Variants in MAGI2 observed in about 807,000 individuals in gnomAD.
MAGI2 encodes the protein membrane-associated guanylate kinase, WW and PDZ domain-containing protein 2.
In MAGI2, 35 loss-of-function variants were observed where a neutral mutation model predicts 133.3. The ratio of observed to expected loss-of-function variants is 0.26; its 90% confidence interval spans 0.20 to 0.35. The LOEUF is 0.35. MAGI2 is among the 10% of genes least tolerant of loss of function. MAGI2 has a pLI of 1.00. For synonymous variants in MAGI2, 729 were observed against 710.6 expected, an observed-to-expected ratio of 1.03 and a Z score of -0.41; for missense variants, 1,636 against 1,863.4, an observed-to-expected ratio of 0.88 and a Z score of 2.25.
At chr7:79,048,153 C>T (rs2116964003) in intron 1 of MAGI2, among the ~76,000 whole-genome samples, 1 of 152,248 alleles carries the variant, frequency 6.6e-6, no homozygotes, top group Non-Finnish European at 1.5e-5. Flanking sequence ...TCATAAATCA[C>T]TTGTGGGTTA....
chr7:79,083,436 T>G (rs992213043), intron 1 of MAGI2, among the ~76,000 whole-genome samples: 2 of 151,490 alleles, frequency 1.3e-5, no homozygotes, highest in East Asian at 3.9e-4. Flanking sequence ...ATTGAAAATA[T>G]TATCTTGTGT....
intron 2 of MAGI2, among the ~76,000 whole-genome samples, chr7:78,853,803 T>C (rs969058384): frequency 9.2e-5 from 14 of 152,002 alleles, no homozygotes; most frequent in African/African-American, 3.1e-4. Flanking sequence ...ACCCCTCTCT[T>C]GGTGGTGGAC....
intron 1 of MAGI2, among the ~76,000 whole-genome samples, chr7:79,036,282 A>G (rs1357425171): frequency 2.0e-5 from 3 of 152,242 alleles, no homozygotes; most frequent in Non-Finnish European, 4.4e-5. Context: ...AGCCAATGTA[A>G]AAATAGGATA....
At chr7:79,422,076 C>A (rs925984125) in intron 1 of MAGI2, among the ~76,000 whole-genome samples, 1 of 151,984 alleles carries the variant, frequency 6.6e-6, no homozygotes, top group Admixed American at 6.6e-5. Context: ...AGTAGGCAGC[C>A]TGGCAGGACC....
intron 1 of MAGI2, among the ~76,000 whole-genome samples, chr7:79,445,979 T>C (rs961071759): frequency 1.3e-5 from 2 of 152,196 alleles, no homozygotes; most frequent in Non-Finnish European, 1.5e-5. Flanking sequence ...TGGAATACTA[T>C]GCAGCCACAA....
At chr7:78,046,706 C>A (rs1192178943) in intron 21 of MAGI2, among the ~76,000 whole-genome samples, 1 of 152,002 alleles carries the variant, frequency 6.6e-6, no homozygotes, top group Non-Finnish European at 1.5e-5. Context: ...AAAAAAAAAC[C>A]CAGCGTTAGT....
chr7:78,114,361 G>T (rs1209006859), intron 20 of MAGI2, among the ~76,000 whole-genome samples: 1 of 152,192 alleles, frequency 6.6e-6, no homozygotes, highest in Non-Finnish European at 1.5e-5. Flanking sequence ...ATATAACACT[G>T]TTTTACCCAA....
At chr7:79,213,176 G>C (rs1342503863) in intron 1 of MAGI2, among the ~76,000 whole-genome samples, 2 of 151,322 alleles carry the variant, frequency 1.3e-5, no homozygotes, top group African/African-American at 4.9e-5. Context: ...TATATTTTCT[G>C]TATAGATTTT....
At chr7:78,579,513 C>G (rs1050389534) in intron 3 of MAGI2, among the ~76,000 whole-genome samples, 10 of 152,160 alleles carry the variant, frequency 6.6e-5, no homozygotes, top group African/African-American at 2.4e-4. Context: ...AGATTAACCA[C>G]TGAAGACAAT....
At chr7:79,007,296 A>G (rs1807557329) in intron 1 of MAGI2, 90 bp from the exon 2 acceptor site, 1 of 679,590 alleles carries the variant, frequency 1.5e-6, no homozygotes, top group South Asian at 1.9e-5. Context: ...TCAGGAACCC[A>G]TTAAAAAGAT....
intron 9 of MAGI2, among the ~76,000 whole-genome samples, chr7:78,330,853 A>T (rs1218435650): frequency 6.6e-6 from 1 of 152,196 alleles, no homozygotes; most frequent in Non-Finnish European, 1.5e-5. Flanking sequence ...AGCATCTTTC[A>T]TAAAAAGCAG....
At chr7:78,860,733 C>T (rs1794088019) in intron 2 of MAGI2, among the ~76,000 whole-genome samples, 1 of 152,172 alleles carries the variant, frequency 6.6e-6, no homozygotes, top group Admixed American at 6.5e-5. Context: ...TCTCAGATCT[C>T]ACACTCTGTG....
At chr7:78,676,934 A>G (rs1187425734) in intron 2 of MAGI2, among the ~76,000 whole-genome samples, 1 of 152,134 alleles carries the variant, frequency 6.6e-6, no homozygotes, top group Admixed American at 6.6e-5. Context: ...TTTATGCTCC[A>G]TGTAGTACTC....
chr7:78,355,869 T>G (rs555634609), intron 7 of MAGI2, among the ~76,000 whole-genome samples: 8 of 152,350 alleles, frequency 5.3e-5, no homozygotes, highest in Non-Finnish European at 1.2e-4. Context: ...AATATATTTT[T>G]TAAAGAACTC....
intron 6 of MAGI2, among the ~76,000 whole-genome samples, chr7:78,439,233 A>C (rs541988275): frequency 1.3e-5 from 2 of 152,284 alleles, no homozygotes; most frequent in Admixed American, 6.5e-5. Flanking sequence ...ATGTTGCCCG[A>C]GTCAGTCACT....
intron 6 of MAGI2, among the ~76,000 whole-genome samples, chr7:78,396,390 G>A (rs1210063064): frequency 1.3e-5 from 2 of 151,872 alleles, no homozygotes; most frequent in African/African-American, 4.8e-5. Flanking sequence ...TTTTTCCTTT[G>A]TGTTCTCTGA....
intron 1 of MAGI2, among the ~76,000 whole-genome samples, chr7:79,041,394 C>T (rs892924504): frequency 3.3e-5 from 5 of 152,150 alleles, no homozygotes; most frequent in Non-Finnish European, 7.4e-5. Flanking sequence ...TATTGCATCT[C>T]AAGCTCTAAT....
chr7:78,222,986 T>C (rs1788981860), intron 10 of MAGI2, among the ~76,000 whole-genome samples: 1 of 152,128 alleles, frequency 6.6e-6, no homozygotes, highest in South Asian at 2.1e-4. Flanking sequence ...GAAGAAAAAT[T>C]GTCTCCCTCA....
At chr7:79,071,134 G>C (rs1814920408) in intron 1 of MAGI2, among the ~76,000 whole-genome samples, 1 of 152,160 alleles carries the variant, frequency 6.6e-6, no homozygotes, top group Non-Finnish European at 1.5e-5. Flanking sequence ...GTCTGTGAGT[G>C]GATGTCCTTT....
Sources: gnomAD v4.1 joint callset for allele counts (sites outside exome capture counted in the v4.1 genomes callset) on GRCh38, gnomAD v4.1.1 for gene constraint, MANE v1.5 for transcripts, NCBI Gene and HGNC (gene_info 2026-07-23, HGNC 2026-07-21) for gene names.